TENM3: variants seen among roughly 807,000 people sequenced by gnomAD.
TENM3 encodes teneurin transmembrane protein 3.
A neutral mutation model predicts 255.1 loss-of-function variants in TENM3; 63 were observed. The ratio of observed to expected loss-of-function variants is 0.25; its 90% CI spans 0.20 to 0.30. The LOEUF is 0.30. TENM3 is among the 10% of genes least tolerant of loss of function. The pLI is 1.00. For synonymous variants in TENM3, 1,306 were observed against 1,322.3 expected (o/e 0.99, Z 0.27); for missense variants, 2,929 against 3,461.1 (o/e 0.85, Z 3.86).
the TENM3 span, among the ~76,000 whole-genome samples, chr4:181,772,946 C>A: frequency 1.6e-4 from 25 of 152,272 alleles, no homozygotes; most frequent in Admixed American, 9.8e-4. Context: ...TCAACTTTCC[C>A]TGCTAACACA....
the TENM3 span, among the ~76,000 whole-genome samples, chr4:181,945,360 C>G: frequency 6.6e-6 from 1 of 152,030 alleles, no homozygotes; most frequent in Non-Finnish European, 1.5e-5. Flanking sequence ...TAAGCAGGAG[C>G]GACTGCTGCT....
At chr4:182,288,288 T>TC in intron 1 of TENM3, among the ~76,000 whole-genome samples, 1 of 152,136 alleles carries the variant, frequency 6.6e-6, no homozygotes, top group Non-Finnish European at 1.5e-5. Context: ...CACATTGGTC[T>TC]CCAACTCCTG....
the TENM3 span, among the ~76,000 whole-genome samples, chr4:181,751,445 C>T: frequency 6.6e-6 from 1 of 151,348 alleles, no homozygotes; most frequent in South Asian, 2.1e-4. Context: ...AAGAAACTGC[C>T]GTTTTCCCAG....
chr4:181,752,166 C>G, the TENM3 span, among the ~76,000 whole-genome samples: 2 of 152,150 alleles, frequency 1.3e-5, no homozygotes, highest in African/African-American at 4.8e-5. Flanking sequence ...ACGGTTCTCT[C>G]CAGCACCCCA....
the TENM3 span, among the ~76,000 whole-genome samples, chr4:181,729,736 G>A: frequency 6.6e-6 from 1 of 152,096 alleles, no homozygotes; most frequent in South Asian, 2.1e-4. Context: ...TTGCCCTGCC[G>A]GCCCACGAGG....
chr4:182,620,084 A>AT (rs1453774908), intron 4 of TENM3, among the ~76,000 whole-genome samples: 3 of 152,216 alleles, frequency 2.0e-5, no homozygotes, highest in African/African-American at 7.2e-5. Context: ...TTTTTGCAGA[A>AT]TTTTTTACGT....
intron 3 of TENM3, among the ~76,000 whole-genome samples, chr4:182,507,767 T>G (rs192495991): frequency 2.5e-4 from 38 of 152,346 alleles, no homozygotes; most frequent in Non-Finnish European, 3.8e-4. Context: ...TTCAAATGTC[T>G]TCTATATAGT....
At chr4:182,050,780 G>T in the TENM3 span, among the ~76,000 whole-genome samples, 1 of 151,034 alleles carries the variant, frequency 6.6e-6, no homozygotes, top group African/African-American at 2.4e-5. Flanking sequence ...CTCTAGCCTG[G>T]GTGACAGAGC....
At chr4:182,389,784 C>T (rs1204848243) in intron 3 of TENM3, among the ~76,000 whole-genome samples, 4 of 151,428 alleles carry the variant, frequency 2.6e-5, no homozygotes, top group Admixed American at 1.3e-4. Flanking sequence ...CTCCCGGGTT[C>T]GCGCCATTCT....
chr4:182,615,067 G>A (rs60239481), intron 4 of TENM3, among the ~76,000 whole-genome samples: 32,534 of 113,556 alleles, frequency 0.29, 4,833 homozygotes, highest in East Asian at 0.46. Context: ...ATATATATAT[G>A]TATTTTTTTT....
the TENM3 span, among the ~76,000 whole-genome samples, chr4:181,856,345 G>A: frequency 4.6e-5 from 7 of 152,160 alleles, no homozygotes; most frequent in African/African-American, 9.6e-5. Flanking sequence ...AGCAGTCCTC[G>A]GTATTCCCCC....
At chr4:181,677,992 G>T in the TENM3 span, among the ~76,000 whole-genome samples, 2 of 152,052 alleles carry the variant, frequency 1.3e-5, no homozygotes, top group African/African-American at 4.8e-5. Flanking sequence ...GGTAGCATCC[G>T]ATTTCTTTGA....
the TENM3 span, among the ~76,000 whole-genome samples, chr4:181,631,246 C>A: frequency 1.3e-5 from 2 of 151,996 alleles, no homozygotes; most frequent in African/African-American, 4.8e-5. Context: ...CCACCATAGG[C>A]TCTCTCATAG....
intron 2 of TENM3, among the ~76,000 whole-genome samples, chr4:182,344,712 T>A (rs532938562): frequency 5.9e-5 from 9 of 152,270 alleles, no homozygotes; most frequent in African/African-American, 2.2e-4. Flanking sequence ...TCTTATTTAT[T>A]TTTCCCTCTT....
intron 6 of TENM3, among the ~76,000 whole-genome samples, chr4:182,658,999 G>A (rs1484619964): frequency 2.6e-5 from 4 of 152,182 alleles, no homozygotes; most frequent in African/African-American, 7.2e-5. Flanking sequence ...CCTAGCAGTC[G>A]CCATTCTAGG....
At chr4:182,495,054 C>T (rs1365812558) in intron 3 of TENM3, among the ~76,000 whole-genome samples, 3 of 152,114 alleles carry the variant, frequency 2.0e-5, no homozygotes, top group African/African-American at 7.2e-5. Context: ...TGAAGGAAAC[C>T]TGGGCAAGGC....
At chr4:181,605,581 A>AGAGAG in the TENM3 span, among the ~76,000 whole-genome samples, 1 of 33,802 alleles carries the variant, frequency 3.0e-5, no homozygotes, top group African/African-American at 5.9e-5. Context: ...AGAGAGAAAG[A>AGAGAG]AAGGAAAGAA....
chr4:182,020,526 C>T, the TENM3 span, among the ~76,000 whole-genome samples: 374 of 152,100 alleles, frequency 2.5e-3, no homozygotes, highest in South Asian at 9.7e-3. Flanking sequence ...TATACCATTT[C>T]ACATAGCTAG....
the TENM3 span, among the ~76,000 whole-genome samples, chr4:181,902,275 AT>A: frequency 6.6e-5 from 10 of 151,728 alleles, no homozygotes; most frequent in Non-Finnish European, 1.2e-4. Context: ...AGATGGGTAG[AT>A]TGCAAAAATG....
Sources: allele counts gnomAD v4.1 joint callset (sites outside exome capture counted in the v4.1 genomes callset), GRCh38; gene constraint gnomAD v4.1.1; transcripts MANE v1.5; gene names NCBI Gene and HGNC (gene_info 2026-07-23, HGNC 2026-07-21).